The following TTBK2 variants were observed in gnomAD, a reference collection of about 807,000 sequenced individuals.
TTBK2 encodes the protein tau tubulin kinase 2.
In TTBK2, 28 loss-of-function variants were observed where a neutral mutation model predicts 110.8. That is an observed-to-expected ratio of 0.25 (90% CI 0.19 to 0.35). The LOEUF is 0.35. Ranked by LOEUF, TTBK2 falls within the 10% of genes least tolerant of loss-of-function variation. TTBK2 has a pLI of 1.00. For missense variants in TTBK2, 1,369 were observed against 1,500.3 expected, an observed-to-expected ratio of 0.91 and a Z score of 1.45; for synonymous variants, 532 against 527.3, an observed-to-expected ratio of 1.01 and a Z score of -0.12.
At chr15:42,851,727 T>C (rs1014516151) in intron 3 of TTBK2, among the ~76,000 whole-genome samples, 1 of 152,136 alleles carries the variant, frequency 6.6e-6, no homozygotes, top group Non-Finnish European at 1.5e-5. Flanking sequence ...CATAGATATA[T>C]AGAGCTGATT....
intron 13 of TTBK2, among the ~76,000 whole-genome samples, chr15:42,773,924 G>C (rs1033139914): frequency 6.6e-6 from 1 of 152,168 alleles, no homozygotes; most frequent in African/African-American, 2.4e-5. Flanking sequence ...TGCACAGTTT[G>C]GAAAGCAAAG....
At chr15:42,881,422 C>A (rs1003587440) in intron 1 of TTBK2, among the ~76,000 whole-genome samples, 1 of 147,548 alleles carries the variant, frequency 6.8e-6, no homozygotes, top group Non-Finnish European at 1.5e-5. Flanking sequence ...AAGAATATCT[C>A]AATTTACATA....
At chr15:42,812,301 C>T (rs1318060590) in intron 7 of TTBK2, among the ~76,000 whole-genome samples, 3 of 150,614 alleles carry the variant, frequency 2.0e-5, no homozygotes, top group Admixed American at 6.7e-5. Context: ...TTGGTGTGTA[C>T]ATTATACTGT....
At chr15:42,906,684 T>C (rs1262221412) in intron 1 of TTBK2, among the ~76,000 whole-genome samples, 1 of 152,090 alleles carries the variant, frequency 6.6e-6, no homozygotes, top group Non-Finnish European at 1.5e-5. Flanking sequence ...TAATTGGGAT[T>C]ATATCGAACT....
chr15:42,789,215 T>A (rs921785982), intron 10 of TTBK2, among the ~76,000 whole-genome samples: 1 of 152,156 alleles, frequency 6.6e-6, no homozygotes, highest in African/African-American at 2.4e-5. Context: ...CTTTCCTTCC[T>A]CCCTCCTTGA....
At chr15:42,767,533 A>G (rs140487285) in intron 13 of TTBK2, among the ~76,000 whole-genome samples, 9,188 of 152,250 alleles carry the variant, frequency 0.06, 630 homozygotes, top group African/African-American at 0.18. Context: ...AAATTCCAGG[A>G]CACATACACC....
chr15:42,887,663 C>G (rs1357449162), intron 1 of TTBK2, among the ~76,000 whole-genome samples: 1 of 152,098 alleles, frequency 6.6e-6, no homozygotes, highest in African/African-American at 2.4e-5. Context: ...GGTGCCAAAC[C>G]CATACACTCT....
At position 42,770,058 on chromosome 15, in the gene TTBK2, T is replaced by C. The variant is rs572031902; in HGVS notation, c.1998+5077A>G. The stretch of plus-strand genomic sequence containing the variant: ...ATAGGTGGGAATTGAACAATGAGAA[T>C]ACTTGGACACAGGGTGGGGAACATC... On this transcript the variant is annotated intron_variant, in intron 13 of 14. Transcript: ENST00000267890. 4.0e-4 allele frequency among the ~76,000 whole-genome samples: 57 copies of C among 141,604 alleles called. 1 individual carries two copies. Among genetic ancestry groups the C allele is most frequent in the South Asian group, 1.1e-3 (5 of 4,484 alleles). 92.9% of individuals were successfully genotyped at this position (141,604 alleles called of 152,430 possible). A position where few individuals can be genotyped will look rare whatever the true frequency, so the allele number is the denominator to read the frequency against.
intron 10 of TTBK2, among the ~76,000 whole-genome samples, chr15:42,792,918 T>G (rs1022077133): frequency 6.6e-6 from 1 of 152,356 alleles, no homozygotes; most frequent in African/African-American, 2.4e-5. Context: ...ACTGCCTTCA[T>G]TGTCTTTAGG....
At chr15:42,898,431 G>C (rs188089998) in intron 1 of TTBK2, among the ~76,000 whole-genome samples, 1 of 151,808 alleles carries the variant, frequency 6.6e-6, no homozygotes, top group Admixed American at 6.6e-5. Flanking sequence ...TGTAGTCCCA[G>C]CTACTCGGGA....
In TTBK2 at chr15:42,746,103, T is replaced by C. The variant is rs777159553; in HGVS notation, c.3427A>G (p.Ser1143Gly). 38 of 1,613,950 alleles carry C rather than the reference T, an allele frequency of 2.4e-5. 1 individual carries two copies. The Middle Eastern group carries it at 6.6e-4, about 28-fold the overall frequency. The change falls in exon 15 of 15, where the codon AGT becomes GGT. Residue 1143 changes from serine to glycine, a missense_variant. Coordinates refer to ENST00000267890, the MANE Select transcript of TTBK2 (RefSeq NM_173500.4). ...GGACTCCTGCGAGGGACAACTGGAC[T>C]CTTGGGTGGTGTTTTTGGATTGTGA... The part of the protein sequence containing the change: ...SPHNPKTPPK[S>G]PVVPRRSPSA...
intron 13 of TTBK2, among the ~76,000 whole-genome samples, chr15:42,760,384 C>CAAAAAAAAAAAAAA (rs3036888): frequency 1.1e-5 from 1 of 89,186 alleles, no homozygotes; most frequent in Non-Finnish European, 2.2e-5. Context: ...GACTCCATCT[C>CAAAAAAAAAAAAAA]AAAAAAAAAA....
At chr15:42,807,575 AT>A (rs1192429925) in intron 9 of TTBK2, among the ~76,000 whole-genome samples, 1 of 135,956 alleles carries the variant, frequency 7.4e-6, no homozygotes, top group African/African-American at 3.3e-5. Flanking sequence ...CACCTGGCTA[AT>A]TTTTTTTGTT....
intron 3 of TTBK2, among the ~76,000 whole-genome samples, chr15:42,840,941 G>C (rs374873677): frequency 6.6e-6 from 1 of 152,240 alleles, no homozygotes; most frequent in African/African-American, 2.4e-5. Flanking sequence ...AAAATGTGCT[G>C]GCTGGGGCAT....
chr15:42,771,401 G>A (rs1889671707), intron 13 of TTBK2, among the ~76,000 whole-genome samples: 1 of 152,156 alleles, frequency 6.6e-6, no homozygotes, highest in South Asian at 2.1e-4. Context: ...CCCCATTCCT[G>A]TAAACAGCCC....
In TTBK2 at chr15:42,791,127, G is replaced by T. The variant is rs189999548; in HGVS notation, c.980+3517C>A. 3.9e-5 allele frequency among the ~76,000 whole-genome samples: 6 copies of T among 152,162 alleles called. No homozygotes were observed. In the South Asian group the frequency reaches 1.2e-3, roughly 32 times the overall value. ...TGGTCTCGATCTGACCTCATGATCC[G>T]CCCGCCTTGGCCTCCCAAAGTGCTG... On this transcript the variant is annotated intron_variant, in intron 10 of 14. Coordinates refer to ENST00000267890, the MANE Select transcript of TTBK2 (RefSeq NM_173500.4).
intron 1 of TTBK2, among the ~76,000 whole-genome samples, chr15:42,901,764 T>G (rs368349845): frequency 6.6e-6 from 1 of 151,992 alleles, no homozygotes; most frequent in East Asian, 1.9e-4. Flanking sequence ...CTAGAGTACA[T>G]AAAGAACTCC....
At chr15:42,870,140 C>T in intron 3 of TTBK2, among the ~76,000 whole-genome samples, 1 of 151,926 alleles carries the variant, frequency 6.6e-6, no homozygotes, top group Non-Finnish European at 1.5e-5. Flanking sequence ...TGCCACTGCA[C>T]TCCAGCCTGG....
intron 13 of TTBK2, among the ~76,000 whole-genome samples, chr15:42,760,408 A>C (rs113163289): frequency 2.0e-5 from 3 of 146,988 alleles, no homozygotes; most frequent in African/African-American, 8.1e-5. Context: ...AAAAAACAAA[A>C]AAAGAATTCA....
Sources: gnomAD v4.1 joint callset for allele counts (sites outside exome capture counted in the v4.1 genomes callset) on GRCh38, gnomAD v4.1.1 for gene constraint, MANE v1.5 for transcripts, NCBI Gene and HGNC (gene_info 2026-07-23, HGNC 2026-07-21) for gene names.